PTPRT: variants seen among roughly 807,000 people sequenced by gnomAD.
PTPRT encodes the protein receptor-type tyrosine-protein phosphatase T.
PTPRT carries 56 observed loss-of-function variants against 176.8 expected under a neutral mutation model. That is an observed-to-expected ratio of 0.32 (90% CI 0.26 to 0.40). The LOEUF (loss-of-function observed/expected upper bound fraction) is 0.40. Among genes scored for constraint, PTPRT ranks in the 10% least tolerant of loss-of-function variants. The pLI, the probability that PTPRT is intolerant of heterozygous loss-of-function variation, is 1.00. For synonymous variants in PTPRT, 783 were observed against 739.0 expected (o/e 1.06, Z -0.96); for missense variants, 1,540 against 1,908.2 (o/e 0.81, Z 3.60).
At chr20:42,558,392 C>G (rs1304418401) in intron 7 of PTPRT, among the ~76,000 whole-genome samples, 1 of 152,110 alleles carries the variant, frequency 6.6e-6, no homozygotes, top group Non-Finnish European at 1.5e-5. Flanking sequence ...TAGGTTGATT[C>G]CATGTTTTTG....
intron 6 of PTPRT, among the ~76,000 whole-genome samples, chr20:42,748,795 G>C (rs1205937586): frequency 6.6e-6 from 1 of 151,832 alleles, no homozygotes; most frequent in African/African-American, 2.4e-5. Flanking sequence ...TGACTGGAGG[G>C]GGTTAAGGTA....
intron 7 of PTPRT, among the ~76,000 whole-genome samples, chr20:42,631,837 A>G (rs906176208): frequency 2.6e-5 from 4 of 152,306 alleles, no homozygotes; most frequent in Admixed American, 2.0e-4. Context: ...AACTCTGCAC[A>G]TTTTAAAGAG....
chr20:43,090,379 T>C (rs1209210803), intron 1 of PTPRT, among the ~76,000 whole-genome samples: 2 of 151,998 alleles, frequency 1.3e-5, no homozygotes, highest in African/African-American at 4.8e-5. Flanking sequence ...GCCATTCTCC[T>C]GCCTCAGCCT....
intron 1 of PTPRT, among the ~76,000 whole-genome samples, chr20:43,165,280 T>C (rs887253795): frequency 6.6e-6 from 1 of 151,664 alleles, no homozygotes; most frequent in African/African-American, 2.4e-5. Context: ...TGCCTCAGCC[T>C]CCCAAGTAGC....
rs542763017 is a variant in PTPRT at position 43,065,279 on chromosome 20, C to G, written c.88+124367G>C. Among the ~76,000 whole-genome samples, 40 of 152,268 alleles carry G rather than the reference C, an allele frequency of 2.6e-4. 1 individual carries two copies. The South Asian group carries it at 7.7e-3, about 29-fold the overall frequency. On this transcript the variant is annotated intron_variant, in intron 1 of 30. Transcript: ENST00000373187. ...TAGGATCCTATAATTCCACCAAACTCTGTGGCATCAGAGTCTTCCGTAGTC... is the reference window on the plus strand; with the variant it reads ...TAGGATCCTATAATTCCACCAAACTGTGTGGCATCAGAGTCTTCCGTAGTC...
chr20:42,706,777 T>C (rs912169060), intron 6 of PTPRT, among the ~76,000 whole-genome samples: 2 of 152,142 alleles, frequency 1.3e-5, no homozygotes, highest in Non-Finnish European at 2.9e-5. Context: ...TATTGTCATA[T>C]AATTGTGTCC....
intron 16 of PTPRT, among the ~76,000 whole-genome samples, chr20:42,191,959 T>G (rs753164171): frequency 1.3e-4 from 20 of 152,178 alleles, no homozygotes; most frequent in Non-Finnish European, 2.6e-4. Flanking sequence ...ACTGTCATTA[T>G]GTACTGATCA....
chr20:42,194,456 C>T (rs927782729), intron 16 of PTPRT, among the ~76,000 whole-genome samples: 1 of 152,160 alleles, frequency 6.6e-6, no homozygotes, highest in Non-Finnish European at 1.5e-5. Context: ...TGTCAAATGC[C>T]ATTATGGGAA....
intron 7 of PTPRT, among the ~76,000 whole-genome samples, chr20:42,486,963 G>C (rs1334738085): frequency 6.6e-6 from 1 of 152,160 alleles, no homozygotes; most frequent in African/African-American, 2.4e-5. Flanking sequence ...GGTGGGAGTA[G>C]CAGAGGTGAG....
chr20:42,614,550 C>CTT (rs1285716998), intron 7 of PTPRT, among the ~76,000 whole-genome samples: 2 of 151,866 alleles, frequency 1.3e-5, no homozygotes, highest in Non-Finnish European at 2.9e-5. Context: ...CCACCCCCTT[C>CTT]TATTCCCCAC....
chr20:42,966,807 A>G (rs1474713625), intron 1 of PTPRT, among the ~76,000 whole-genome samples: 2 of 152,222 alleles, frequency 1.3e-5, no homozygotes, highest in East Asian at 3.8e-4. Flanking sequence ...AGTTCGTAAA[A>G]ATCAAGGAGA....
chr20:42,368,266 T>C (rs1353405312), intron 9 of PTPRT, among the ~76,000 whole-genome samples: 2 of 152,306 alleles, frequency 1.3e-5, no homozygotes, highest in East Asian at 3.9e-4. Flanking sequence ...AGGAGGCATC[T>C]GAGAAGATGA....
intron 7 of PTPRT, among the ~76,000 whole-genome samples, chr20:42,593,182 T>C (rs1438233817): frequency 2.0e-5 from 3 of 152,114 alleles, no homozygotes; most frequent in Admixed American, 6.5e-5. Flanking sequence ...AATCTCAGAA[T>C]CACTGGAGGA....
At chr20:42,963,198 CA>C (rs899652247) in intron 1 of PTPRT, among the ~76,000 whole-genome samples, 33 of 147,242 alleles carry the variant, frequency 2.2e-4, no homozygotes, top group Admixed American at 1.4e-3. Context: ...GACTCCGTCT[CA>C]AAAAAAAATA....
At position 43,058,318 on chromosome 20, in the gene PTPRT, A is replaced by C. The variant is rs555338134; in HGVS notation, c.88+131328T>G. Among the ~76,000 whole-genome samples the C allele has an allele frequency of 3.3e-5, 5 of 152,124 alleles. No homozygotes were observed. In the East Asian group the frequency reaches 9.7e-4, roughly 29 times the overall value. On this transcript the variant is annotated intron_variant, in intron 1 of 30. Transcript: ENST00000373187. Reference sequence around the variant, plus strand: ...AGAGATCGGGTGAAAGAGGGCAAGAAAGAGGGAGGAAGAGAAAGTGAGTGG... The same window carrying C: ...AGAGATCGGGTGAAAGAGGGCAAGACAGAGGGAGGAAGAGAAAGTGAGTGG...
chr20:43,068,946 C>T (rs907114070), intron 1 of PTPRT, among the ~76,000 whole-genome samples: 2 of 152,124 alleles, frequency 1.3e-5, no homozygotes, highest in East Asian at 1.9e-4. Context: ...AGCTCAAAAC[C>T]TACTACCTGG....
chr20:42,418,566 G>C (rs1225165339), intron 9 of PTPRT, among the ~76,000 whole-genome samples: 1 of 152,198 alleles, frequency 6.6e-6, no homozygotes, highest in Non-Finnish European at 1.5e-5. Context: ...GTGGTTTATG[G>C]CTGATATGTG....
At chr20:43,123,455 G>A (rs2013339061) in intron 1 of PTPRT, among the ~76,000 whole-genome samples, 1 of 152,166 alleles carries the variant, frequency 6.6e-6, no homozygotes, top group Non-Finnish European at 1.5e-5. Context: ...TACAAGCAGA[G>A]TTAGATCTTC....
intron 1 of PTPRT, among the ~76,000 whole-genome samples, chr20:43,054,612 C>T (rs1451404698): frequency 6.6e-6 from 1 of 151,146 alleles, no homozygotes; most frequent in African/African-American, 2.4e-5. Flanking sequence ...TCTCTACCTC[C>T]CAAATCTGAG....
Sources: allele counts gnomAD v4.1 joint callset (sites outside exome capture counted in the v4.1 genomes callset), GRCh38; gene constraint gnomAD v4.1.1; transcripts MANE v1.5; gene names NCBI Gene and HGNC (gene_info 2026-07-23, HGNC 2026-07-21).